TM9SF3: variants seen among roughly 807,000 people sequenced by gnomAD.
TM9SF3 encodes SM-11044-binding protein.
In TM9SF3, 14 loss-of-function variants were observed where a neutral mutation model predicts 78.6. That is an observed-to-expected ratio of 0.18 (90% CI 0.12 to 0.28). The LOEUF (loss-of-function observed/expected upper bound fraction) is 0.28. Among genes scored for constraint, TM9SF3 ranks in the 10% least tolerant of loss-of-function variants. The probability of loss-of-function intolerance (pLI) is 1.00; values close to 1 mark genes in which losing one functional copy is unlikely to be tolerated. For synonymous variants in TM9SF3, 231 were observed against 241.7 expected, an observed-to-expected ratio of 0.96 and a Z score of 0.41; for missense variants, 496 against 721.9, an observed-to-expected ratio of 0.69 and a Z score of 3.59.
chr10:96,561,739 T>C (rs750275163), intron 4 of TM9SF3, among the ~76,000 whole-genome samples: 3 of 152,250 alleles, frequency 2.0e-5, no homozygotes, highest in Admixed American at 6.5e-5. Context: ...TAAACTTGGC[T>C]GTACCAAATG....
chr10:96,561,842 G>A (rs1467734979), intron 4 of TM9SF3, 136 bp downstream of exon 4: 2 of 755,474 alleles, frequency 2.6e-6, no homozygotes, highest in African/African-American at 1.8e-5. Flanking sequence ...TACGTACACT[G>A]AGAAAATATA....
At position 96,520,349 on chromosome 10, in the gene TM9SF3, A is replaced by G. The variant is rs556226930; in HGVS notation, c.*1914T>C. On this transcript the variant is annotated 3_prime_UTR_variant, in exon 15 of 15. Transcript: ENST00000371142. The stretch of plus-strand genomic sequence containing the variant: ...GAGGATTTACCTACAGCTTCTGATC[A>G]AATTTGTTGGATCATATCAATCATA... 1 of 151,698 alleles carries G rather than the reference A, an allele frequency of 6.6e-6. No individual in the cohort carries two copies. Among genetic ancestry groups the G allele is most frequent in the African/African-American group, 2.4e-5 (1 of 41,228 alleles). The allele number at this position is 151,698 out of a possible 1,614,324, so 9.4% of individuals were successfully genotyped here. A position where few individuals can be genotyped will look rare whatever the true frequency, so the allele number is the denominator to read the frequency against.
At chr10:96,580,272 G>A (rs1159517534) in intron 1 of TM9SF3, among the ~76,000 whole-genome samples, 1 of 151,980 alleles carries the variant, frequency 6.6e-6, no homozygotes, top group Non-Finnish European at 1.5e-5. Context: ...CTTTGTGTGT[G>A]TGTGTGTGTG....
chr10:96,541,072 A>C (rs2134137129), intron 9 of TM9SF3, among the ~76,000 whole-genome samples: 1 of 151,900 alleles, frequency 6.6e-6, no homozygotes, highest in East Asian at 2.0e-4. Flanking sequence ...CCAGTTTTAC[A>C]AATCTTTCAA....
chr10:96,573,233 C>CG (rs1228249338), intron 2 of TM9SF3, among the ~76,000 whole-genome samples: 1 of 152,132 alleles, frequency 6.6e-6, no homozygotes, highest in African/African-American at 2.4e-5. Flanking sequence ...TAGTATGCTA[C>CG]GATACACCAT....
At chr10:96,552,163 T>C (rs11188825) in intron 6 of TM9SF3, among the ~76,000 whole-genome samples, 31,111 of 152,042 alleles carry the variant, frequency 0.2, 3,549 homozygotes, top group Admixed American at 0.3. Flanking sequence ...TTTGAAACTA[T>C]TTCCCAAGCC....
chr10:96,518,410 T>C lies in TM9SF3; in HGVS notation c.*3853A>G, dbSNP rs753721059. ...CAAGAATGTTCTGTTGTCCTTCAAA[T>C]AGAATTCCATGTTATTTCTTTCTTG... On this transcript the variant is annotated 3_prime_UTR_variant, in exon 15 of 15. Coordinates refer to ENST00000371142, the MANE Select transcript of TM9SF3 (RefSeq NM_020123.4). 1 of 152,164 alleles carries C rather than the reference T, an allele frequency of 6.6e-6. No individual in the cohort carries two copies. The highest frequency in any genetic ancestry group is 2.4e-5 in the African/African-American group (1 of 41,450). The allele number at this position is 152,164 out of a possible 1,614,324, so 9.4% of individuals were successfully genotyped here. A position where few individuals can be genotyped will look rare whatever the true frequency, so the allele number is the denominator to read the frequency against.
At chr10:96,566,935 CAG>C (rs1343265285) in intron 2 of TM9SF3, among the ~76,000 whole-genome samples, 1 of 152,164 alleles carries the variant, frequency 6.6e-6, no homozygotes, top group East Asian at 1.9e-4. Flanking sequence ...GCCACAGTGG[CAG>C]TAGGGTACCT....
intron 3 of TM9SF3, 60 bp downstream of exon 3, chr10:96,565,244 T>C (rs1033365071): frequency 2.1e-6 from 3 of 1,415,298 alleles, no homozygotes; most frequent in South Asian, 3.3e-5. Context: ...AACAGAGTCA[T>C]TTTATAAATT....
intron 8 of TM9SF3, among the ~76,000 whole-genome samples, chr10:96,546,165 G>A (rs1175115144): frequency 6.6e-6 from 1 of 152,172 alleles, no homozygotes; most frequent in African/African-American, 2.4e-5. Context: ...CAAATCCTGA[G>A]ATAAGTCTGA....
intron 4 of TM9SF3, among the ~76,000 whole-genome samples, chr10:96,559,957 G>C (rs1848284178): frequency 6.6e-6 from 1 of 152,200 alleles, no homozygotes; most frequent in African/African-American, 2.4e-5. Context: ...TCAGAGGGGT[G>C]ATTTCAGTTC....
rs182403980 is a variant in TM9SF3, at chr10:96,518,176, C to A, written c.*4087G>T. 2 of 152,112 alleles carry A rather than the reference C, an allele frequency of 1.3e-5. No individual in the cohort carries two copies. The highest frequency in any genetic ancestry group is 2.4e-5 in the African/African-American group (1 of 41,418). The allele number at this position is 152,112 out of a possible 1,614,324, so 9.4% of individuals were successfully genotyped here. On this transcript the variant is annotated 3_prime_UTR_variant, in exon 15 of 15. Transcript: ENST00000371142. The stretch of plus-strand genomic sequence containing the variant: ...ATAAATTAACACACTAGGTTAGAAC[C>A]TCAATTGTATTTGATACATTATATA...
intron 9 of TM9SF3, among the ~76,000 whole-genome samples, chr10:96,541,899 C>A (rs1028930649): frequency 6.6e-6 from 1 of 152,172 alleles, no homozygotes; most frequent in African/African-American, 2.4e-5. Context: ...GGGAGCCTTT[C>A]GGCTCACAGA....
At chr10:96,528,477 G>C (rs953244431) in intron 11 of TM9SF3, among the ~76,000 whole-genome samples, 14 of 151,954 alleles carry the variant, frequency 9.2e-5, no homozygotes, top group Admixed American at 9.2e-4. Context: ...AATGAAAATA[G>C]CTAAAAAATC....
At chr10:96,577,790 C>G (rs1326174122) in intron 1 of TM9SF3, among the ~76,000 whole-genome samples, 1 of 152,100 alleles carries the variant, frequency 6.6e-6, no homozygotes, top group African/African-American at 2.4e-5. Flanking sequence ...GTTCCCTGTC[C>G]TACTGGGGGA....
intron 11 of TM9SF3, 72 bp downstream of exon 11, chr10:96,530,468 A>G (rs1589446749): frequency 8.0e-7 from 1 of 1,246,506 alleles, no homozygotes; most frequent in Non-Finnish European, 1.1e-6. Context: ...ATAACTTTAC[A>G]TGTTCCCTAA....
At chr10:96,583,388 T>C (rs1242216110) in intron 1 of TM9SF3, among the ~76,000 whole-genome samples, 2 of 152,254 alleles carry the variant, frequency 1.3e-5, no homozygotes, top group African/African-American at 2.4e-5. Context: ...TCAACACTAT[T>C]GCTCCTTAAT....
chr10:96,585,471 A>G (rs1016527251), intron 1 of TM9SF3, among the ~76,000 whole-genome samples: 1 of 152,238 alleles, frequency 6.6e-6, no homozygotes, highest in Non-Finnish European at 1.5e-5. Flanking sequence ...AAACACCACA[A>G]GTACAGTACA....
At chr10:96,537,863 CT>C (rs1419901591) in intron 9 of TM9SF3, among the ~76,000 whole-genome samples, 1 of 152,124 alleles carries the variant, frequency 6.6e-6, no homozygotes, top group Non-Finnish European at 1.5e-5. Context: ...ACACTAAAAT[CT>C]ATGAAACGTT....
Sources: gnomAD v4.1 joint callset for allele counts (sites outside exome capture counted in the v4.1 genomes callset) on GRCh38, gnomAD v4.1.1 for gene constraint, MANE v1.5 for transcripts, NCBI Gene and HGNC (gene_info 2026-07-23, HGNC 2026-07-21) for gene names.